Variants in GADL1 observed in about 807,000 individuals in gnomAD.
The protein encoded by GADL1 is GAD like acidic amino acid decarboxylase 1.
GADL1 carries 71 observed loss-of-function variants against 69.5 expected under a neutral mutation model. The ratio of observed to expected loss-of-function variants is 1.02; its 90% confidence interval spans 0.84 to 1.25. The LOEUF is 1.25. GADL1 is among the 50% of genes most tolerant of loss of function. The pLI is 0.00. For missense variants in GADL1, 737 were observed against 631.8 expected, an observed-to-expected ratio of 1.17 and a Z score of -1.79; for synonymous variants, 254 against 214.4, an observed-to-expected ratio of 1.18 and a Z score of -1.62.
At chr3:30,779,245 T>C (rs1288931215) in intron 13 of GADL1, among the ~76,000 whole-genome samples, 1 of 152,220 alleles carries the variant, frequency 6.6e-6, no homozygotes, top group African/African-American at 2.4e-5. Context: ...TAGAATTGTA[T>C]TCAGGAAAGA....
intron 11 of GADL1, among the ~76,000 whole-genome samples, chr3:30,828,102 A>G (rs1256524863): frequency 1.3e-5 from 2 of 151,910 alleles, no homozygotes; most frequent in East Asian, 3.9e-4. Flanking sequence ...TAGGAGCTCT[A>G]TGAAGAAAAG....
At chr3:30,890,976 C>T (rs141266911) in intron 1 of GADL1, among the ~76,000 whole-genome samples, 22 of 152,288 alleles carry the variant, frequency 1.4e-4, no homozygotes, top group African/African-American at 4.8e-4. Context: ...GAGGTTAAAT[C>T]TGGTATCCAG....
chr3:30,765,514 G>GTTTTC (rs1696255415), intron 14 of GADL1, among the ~76,000 whole-genome samples: 1 of 152,158 alleles, frequency 6.6e-6, no homozygotes, highest in Non-Finnish European at 1.5e-5. Flanking sequence ...AACATACAAG[G>GTTTTC]ACAATCAACC....
At chr3:30,875,144 C>T (rs1698559589) in intron 1 of GADL1, among the ~76,000 whole-genome samples, 1 of 149,088 alleles carries the variant, frequency 6.7e-6, no homozygotes, top group Non-Finnish European at 1.5e-5. Flanking sequence ...GATGATTTGT[C>T]ATAAATATCA....
chr3:30,857,003 T>C lies in GADL1; in HGVS notation c.337+12A>G. ...AGAGGTACAGATCAAGGAAGTAAAT[T>C]AAAGTTCTTACTAGTTTTGACACTG... is the stretch of plus-strand genomic sequence containing the variant. On this transcript the variant is annotated intron_variant, in intron 3 of 14. Coordinates refer to ENST00000282538, the MANE Select transcript of GADL1 (RefSeq NM_207359.3). 6.5e-7 allele frequency: 1 copy of C among 1,546,788 alleles called. No individual in the cohort carries two copies. The highest frequency in any genetic ancestry group is 8.7e-7 in the Non-Finnish European group (1 of 1,143,196).
At chr3:30,751,232 T>G (rs1012762590) in intron 14 of GADL1, among the ~76,000 whole-genome samples, 1 of 152,036 alleles carries the variant, frequency 6.6e-6, no homozygotes, top group Admixed American at 6.6e-5. Context: ...AGGCCAATCC[T>G]TCAAAGGGCA....
At chr3:30,730,911 A>G (rs1029302712) in intron 14 of GADL1, among the ~76,000 whole-genome samples, 7 of 152,212 alleles carry the variant, frequency 4.6e-5, no homozygotes, top group African/African-American at 1.4e-4. Context: ...ACACTCACAT[A>G]TAATTTAAAC....
Position 30,741,090 on chromosome 3 carries a change from G to C in GADL1, c.1393-12675C>G, listed in dbSNP as rs981618247. Among the ~76,000 whole-genome samples the C allele has an allele frequency of 1.0e-4, 8 of 79,358 alleles. No homozygotes were observed. The South Asian group carries it at 2.5e-3, about 25-fold the overall frequency. The allele number at this position is 79,358 out of a possible 152,430, so 52.1% of individuals were successfully genotyped here. A position where few individuals can be genotyped will look rare whatever the true frequency, so the allele number is the denominator to read the frequency against. ...TTTGTATAAATATATATAGGTGTTT[G>C]TATTATATATATGTATTCCTAGTAT... On this transcript the variant is annotated intron_variant, in intron 14 of 14. Coordinates refer to ENST00000282538, the MANE Select transcript of GADL1 (RefSeq NM_207359.3).
chr3:30,751,670 C>T lies in GADL1; in HGVS notation c.1393-23255G>A, dbSNP rs144779008. 5.1e-3 allele frequency among the ~76,000 whole-genome samples: 769 copies of T among 152,248 alleles called. 7 individuals carry two copies. Among genetic ancestry groups the T allele is most frequent in the African/African-American group, 0.018 (737 of 41,546 alleles). ...GAGGAATTATCTCCCTATAAGCCCA[C>T]CCCTTCATCTAGTCTTAACTACAAT... On this transcript the variant is annotated intron_variant, in intron 14 of 14. Transcript: ENST00000282538.
intron 14 of GADL1, among the ~76,000 whole-genome samples, chr3:30,769,779 A>G (rs1355515748): frequency 2.6e-5 from 4 of 152,174 alleles, no homozygotes; most frequent in African/African-American, 9.7e-5. Flanking sequence ...ACAGTATGAG[A>G]CCGTTATCTT....
chr3:30,844,588 A>G (rs1674944025), intron 6 of GADL1, 122 bp from the exon 7 acceptor site: 2 of 710,138 alleles, frequency 2.8e-6, no homozygotes, highest in Non-Finnish European at 5.0e-6. Flanking sequence ...ATTATTGCAT[A>G]AAAAAGTAAT....
intron 14 of GADL1, among the ~76,000 whole-genome samples, chr3:30,763,299 C>A (rs1244413260): frequency 6.6e-6 from 1 of 151,972 alleles, no homozygotes; most frequent in African/African-American, 2.4e-5. Flanking sequence ...GAGATTGAGA[C>A]CATCCTGGCT....
At chr3:30,759,866 T>C (rs1209871109) in intron 14 of GADL1, among the ~76,000 whole-genome samples, 5 of 152,168 alleles carry the variant, frequency 3.3e-5, no homozygotes, top group African/African-American at 9.7e-5. Context: ...TCGGCAGATA[T>C]AACAGACTCA....
At chr3:30,765,579 G>A (rs747758317) in intron 14 of GADL1, among the ~76,000 whole-genome samples, 4 of 152,326 alleles carry the variant, frequency 2.6e-5, no homozygotes, top group Admixed American at 1.3e-4. Flanking sequence ...AACCTGTGCA[G>A]CTGAACAAGG....
chr3:30,776,396 C>G (rs1011428626), intron 14 of GADL1, among the ~76,000 whole-genome samples: 2 of 152,186 alleles, frequency 1.3e-5, no homozygotes, highest in Non-Finnish European at 2.9e-5. Context: ...CTCACATTGT[C>G]CAGTTCCTGT....
chr3:30,764,684 C>T (rs1696226995), intron 14 of GADL1, among the ~76,000 whole-genome samples: 1 of 152,186 alleles, frequency 6.6e-6, no homozygotes, highest in African/African-American at 2.4e-5. Flanking sequence ...GATCATCTTA[C>T]ACTTAAGAAT....
intron 14 of GADL1, among the ~76,000 whole-genome samples, chr3:30,755,201 C>T (rs995266836): frequency 6.6e-6 from 1 of 152,114 alleles, no homozygotes; most frequent in Non-Finnish European, 1.5e-5. Flanking sequence ...TAAATCATAT[C>T]ATTTATATTT....
At chr3:30,813,044 CATGAGAAGGGAA>C (rs1282123653) in intron 11 of GADL1, among the ~76,000 whole-genome samples, 1 of 151,958 alleles carries the variant, frequency 6.6e-6, no homozygotes, top group Non-Finnish European at 1.5e-5. Context: ...TGAGAAGGCA[CATGAGAAGGGAA>C]ACAGAAGAGA....
At chr3:30,791,225 A>G (rs917716781) in intron 12 of GADL1, among the ~76,000 whole-genome samples, 3 of 152,210 alleles carry the variant, frequency 2.0e-5, no homozygotes, top group Non-Finnish European at 2.9e-5. Flanking sequence ...TACCTATAGG[A>G]GAAAAGCTTT....
Sources: allele counts gnomAD v4.1 joint callset (sites outside exome capture counted in the v4.1 genomes callset), GRCh38; gene constraint gnomAD v4.1.1; transcripts MANE v1.5; gene names NCBI Gene and HGNC (gene_info 2026-07-23, HGNC 2026-07-21).